The following QTMAN variants were observed in gnomAD, a reference collection of about 807,000 sequenced individuals.
QTMAN encodes the protein tRNA-queuosine alpha-mannosyltransferase.
the QTMAN span, among the ~76,000 whole-genome samples, chr2:144,073,977 G>C: frequency 2.0e-5 from 3 of 152,190 alleles, no homozygotes; most frequent in South Asian, 6.2e-4. Flanking sequence ...CACATGGGTA[G>C]TTAATAGCAG....
the QTMAN span, among the ~76,000 whole-genome samples, chr2:144,183,049 T>A: frequency 6.7e-6 from 1 of 149,092 alleles, no homozygotes; most frequent in African/African-American, 2.5e-5. Flanking sequence ...CATATCTGAG[T>A]CTAAGAAGCC....
the QTMAN span, among the ~76,000 whole-genome samples, chr2:144,281,415 A>C: frequency 1.3e-5 from 2 of 150,974 alleles, no homozygotes; most frequent in Non-Finnish European, 3.0e-5. Context: ...AAAAAAAAAA[A>C]AAACGGAAAA....
chr2:144,104,199 A>C, the QTMAN span, among the ~76,000 whole-genome samples: 2 of 152,078 alleles, frequency 1.3e-5, no homozygotes, highest in Non-Finnish European at 2.9e-5. Flanking sequence ...AAGATGGGTG[A>C]TTTCTGCATT....
the QTMAN span, among the ~76,000 whole-genome samples, chr2:144,106,804 T>C: frequency 3.9e-5 from 6 of 152,238 alleles, no homozygotes; most frequent in South Asian, 2.1e-4. Flanking sequence ...AGAATATACA[T>C]TCTTCTCAGC....
chr2:144,026,112 G>A, the QTMAN span, among the ~76,000 whole-genome samples: 1 of 152,060 alleles, frequency 6.6e-6, no homozygotes, highest in East Asian at 1.9e-4. Flanking sequence ...TTTCAAACAT[G>A]GTGCTAAAGG....
the QTMAN span, among the ~76,000 whole-genome samples, chr2:144,093,593 A>G: frequency 3.3e-5 from 5 of 152,242 alleles, no homozygotes; most frequent in Admixed American, 1.3e-4. Flanking sequence ...TACACATGGT[A>G]TATTTGGCTA....
the QTMAN span, among the ~76,000 whole-genome samples, chr2:144,284,040 T>C: frequency 1.3e-5 from 2 of 151,932 alleles, no homozygotes; most frequent in African/African-American, 4.8e-5. Context: ...AAAATTTTAA[T>C]CTAAGATAGC....
chr2:144,081,246 G>GTAAC, the QTMAN span, among the ~76,000 whole-genome samples: 1 of 152,100 alleles, frequency 6.6e-6, no homozygotes, highest in East Asian at 1.9e-4. Context: ...TTGTCCTGAG[G>GTAAC]GTTAAGATAA....
the QTMAN span, among the ~76,000 whole-genome samples, chr2:144,195,056 A>T: frequency 2.6e-5 from 4 of 152,316 alleles, no homozygotes; most frequent in East Asian, 7.7e-4. Context: ...TATTTAAACA[A>T]GTAAAAAAAG....
the QTMAN span, among the ~76,000 whole-genome samples, chr2:144,123,557 AT>A: frequency 3.5e-4 from 53 of 152,254 alleles, 2 homozygotes; most frequent in South Asian, 0.011. Context: ...TGAAAAGATG[AT>A]TTTATCATCC....
the QTMAN span, among the ~76,000 whole-genome samples, chr2:144,087,672 ATATAT>A: frequency 2.6e-4 from 39 of 152,246 alleles, no homozygotes; most frequent in African/African-American, 9.4e-4. Flanking sequence ...AATAAACATC[ATATAT>A]CACATCAACA....
the QTMAN span, among the ~76,000 whole-genome samples, chr2:144,302,822 C>T: frequency 5.9e-5 from 9 of 152,122 alleles, no homozygotes; most frequent in African/African-American, 1.9e-4. Context: ...AGCACAGTGC[C>T]GGGCATGGTG....
At chr2:144,173,642 A>T in the QTMAN span, among the ~76,000 whole-genome samples, 1 of 152,108 alleles carries the variant, frequency 6.6e-6, no homozygotes, top group Admixed American at 6.6e-5. Context: ...AACAGGTACT[A>T]TTTCTGGCCT....
the QTMAN span, chr2:143,970,519 T>C: frequency 1.5e-6 from 1 of 666,694 alleles, no homozygotes; most frequent in Non-Finnish European, 2.7e-6. Context: ...CAGACTTTAA[T>C]GCCATCGTAT....
the QTMAN span, among the ~76,000 whole-genome samples, chr2:144,101,827 A>G: frequency 5.3e-5 from 8 of 152,288 alleles, no homozygotes; most frequent in South Asian, 1.7e-3. Context: ...TGGTTTTGAA[A>G]TGTCATGCTT....
chr2:144,109,051 G>C, the QTMAN span, among the ~76,000 whole-genome samples: 1 of 152,068 alleles, frequency 6.6e-6, no homozygotes, highest in Admixed American at 6.5e-5. Context: ...TCACAGAATT[G>C]GAAAAAACTA....
the QTMAN span, among the ~76,000 whole-genome samples, chr2:144,082,776 G>A: frequency 1.3e-5 from 2 of 152,040 alleles, no homozygotes; most frequent in Non-Finnish European, 2.9e-5. Context: ...TCTCAGTCAC[G>A]GGCTCTGTAG....
the QTMAN span, among the ~76,000 whole-genome samples, chr2:144,175,948 A>G: frequency 6.6e-6 from 1 of 152,184 alleles, no homozygotes. Context: ...TACAGGTGTG[A>G]GCCACCATGC....
chr2:144,314,545 T>C, the QTMAN span, among the ~76,000 whole-genome samples: 1 of 152,084 alleles, frequency 6.6e-6, no homozygotes, highest in African/African-American at 2.4e-5. Flanking sequence ...ACTCCGTCTC[T>C]ACTAAAAAAT....
Sources: allele counts gnomAD v4.1 joint callset (sites outside exome capture counted in the v4.1 genomes callset), GRCh38; gene constraint gnomAD v4.1.1; transcripts MANE v1.5; gene names NCBI Gene and HGNC (gene_info 2026-07-23, HGNC 2026-07-21).